Variants in PEDS1 observed in about 807,000 individuals in gnomAD.
PEDS1 encodes the protein plasmanylethanolamine desaturase 1.
In PEDS1, 14 loss-of-function variants were observed where a neutral mutation model predicts 35.2. That is an observed-to-expected ratio of 0.40 (90% CI 0.26 to 0.62). The LOEUF is 0.62. PEDS1 is among the 20% of genes least tolerant of loss of function. PEDS1 has a pLI of 0.44. For missense variants in PEDS1, 260 were observed against 367.8 expected (o/e 0.71, Z 2.40); for synonymous variants, 152 against 152.0 (o/e 1.00, Z 0.00).
chr20:50,153,407 C>T, intron 1 of PEDS1, 110 bp downstream of exon 1: 1 of 1,230,172 alleles, frequency 8.1e-7, no homozygotes, highest in Non-Finnish European at 1.0e-6. Context: ...AAGTTAGACA[C>T]CCGGGCTGGA....
intron 3 of PEDS1, among the ~76,000 whole-genome samples, chr20:50,130,324 A>T (rs1244735936): frequency 6.6e-6 from 1 of 152,142 alleles, no homozygotes; most frequent in Admixed American, 6.6e-5. Flanking sequence ...GGAAGGATGG[A>T]TCTCTGGGCG....
At position 50,143,515 on chromosome 20, in the gene PEDS1, G is replaced by T; in HGVS notation, c.228C>A (p.Val76=). 1 of 1,608,854 alleles carries T rather than the reference G, an allele frequency of 6.2e-7. No homozygotes were observed. Among genetic ancestry groups the T allele is most frequent in the South Asian group, 1.1e-5 (1 of 89,940 alleles). ...LLARWEDTPL[V]ILGVVAGALI... ...TCGGGCACTCACCAACACCGAGTAT[G>T]ACGAGGGGTGTGTCCTCCCAGCGGG... Residue 76 remains valine (V), a synonymous_variant, in exon 2 of 6, where the codon GTC becomes GTA. Coordinates refer to ENST00000371652, the MANE Select transcript of PEDS1 (RefSeq NM_199129.4).
At position 50,118,731 on chromosome 20, in the gene PEDS1, T is replaced by C. The variant is rs186547846; in HGVS notation, c.*6327A>G. 7.9e-5 allele frequency: 12 copies of C among 152,214 alleles called. No individual in the cohort carries two copies. Among genetic ancestry groups the C allele is most frequent in the African/African-American group, 2.9e-4 (12 of 41,512 alleles). 9.4% of individuals were successfully genotyped at this position (152,214 alleles called of 1,614,324 possible). On this transcript the variant is annotated 3_prime_UTR_variant, in exon 6 of 6. Transcript: ENST00000371652. The stretch of plus-strand genomic sequence containing the variant: ...GCCTCCTGGGTTCAAGCAATTCTCC[T>C]GCCTCAGCCTCCCAAGTAGCTGGGA...
intron 1 of PEDS1, among the ~76,000 whole-genome samples, chr20:50,146,910 G>C (rs1198968421): frequency 6.6e-6 from 1 of 152,194 alleles, no homozygotes; most frequent in Non-Finnish European, 1.5e-5. Context: ...ACCATGATCA[G>C]GCCCAGCAAG....
chr20:50,131,102 C>G, intron 2 of PEDS1, 155 bp from the exon 3 acceptor site: 5 of 1,536,514 alleles, frequency 3.3e-6, no homozygotes, highest in Non-Finnish European at 4.4e-6. Context: ...GATGGAGCCT[C>G]AGGCTTAACA....
chr20:50,127,518 G>A (rs918107934), intron 5 of PEDS1, among the ~76,000 whole-genome samples: 21 of 151,640 alleles, frequency 1.4e-4, no homozygotes, highest in Admixed American at 9.8e-4. Flanking sequence ...ATTTTTTTTC[G>A]TATTTTTAGT....
At position 50,126,356 on chromosome 20, in the gene PEDS1, A is replaced by T. The variant is rs527787616; in HGVS notation, c.692-1177T>A. Among the ~76,000 whole-genome samples the T allele has an allele frequency of 2.0e-5, 3 of 152,356 alleles. No individual in the cohort carries two copies. In the South Asian group the frequency reaches 6.2e-4, roughly 32 times the overall value. ...GGTGGCCAAACCAGGATTGGAACTC[A>T]GCCCTGCCTAAGTAGTTAACCCATC... is the stretch of plus-strand genomic sequence containing the variant. On this transcript the variant is annotated intron_variant, in intron 5 of 5. Transcript: ENST00000371652.
intron 2 of PEDS1, among the ~76,000 whole-genome samples, chr20:50,134,414 G>A (rs1477106784): frequency 2.6e-5 from 4 of 152,220 alleles, no homozygotes; most frequent in Non-Finnish European, 5.9e-5. Context: ...AGGGATGGTG[G>A]TGGGCACCTG....
At chr20:50,148,427 TG>T (rs2081368405) in intron 1 of PEDS1, among the ~76,000 whole-genome samples, 1 of 152,190 alleles carries the variant, frequency 6.6e-6, no homozygotes, top group Admixed American at 6.5e-5. Flanking sequence ...CTGGCTGTAG[TG>T]CTGAGGTCCT....
intron 1 of PEDS1, among the ~76,000 whole-genome samples, chr20:50,150,404 T>A (rs2081390807): frequency 6.6e-6 from 1 of 152,282 alleles, no homozygotes; most frequent in Non-Finnish European, 1.5e-5. Flanking sequence ...AGCTCCCACC[T>A]CAGGGTCTCT....
intron 1 of PEDS1, among the ~76,000 whole-genome samples, chr20:50,147,349 G>A (rs2081356780): frequency 6.6e-6 from 1 of 152,188 alleles, no homozygotes; most frequent in African/African-American, 2.4e-5. Context: ...CCATCCAATG[G>A]GATATGAGCT....
intron 1 of PEDS1, among the ~76,000 whole-genome samples, chr20:50,153,260 C>A (rs904873216): frequency 6.6e-6 from 1 of 151,984 alleles, no homozygotes; most frequent in Non-Finnish European, 1.5e-5. Flanking sequence ...CCGATGGGAG[C>A]TCCGTTTGTC....
chr20:50,125,112 C>T lies in PEDS1; in HGVS notation c.759G>A (p.Leu253=), dbSNP rs1408028148. ...WRRLEDLIQG[L]TGEKPRADDM... ...CATCTGCCCGAGGCTTCTCGCCCGTCAGGCCCTGGATGAGGTCCTCCAGGC... is the reference window on the plus strand; with the variant it reads ...CATCTGCCCGAGGCTTCTCGCCCGTTAGGCCCTGGATGAGGTCCTCCAGGC... The change falls in exon 6 of 6, where the codon CTG becomes CTA. Residue 253 remains leucine (L), a synonymous_variant. Transcript: ENST00000371652. 6.2e-7 allele frequency: 1 copy of T among 1,614,214 alleles called. No individual in the cohort carries two copies. The highest frequency in any genetic ancestry group is 1.7e-5 in the Admixed American group (1 of 60,030).
intron 1 of PEDS1, 70 bp from the exon 2 acceptor site, chr20:50,143,691 C>T: frequency 6.5e-7 from 1 of 1,543,726 alleles, no homozygotes; most frequent in Non-Finnish European, 8.7e-7. Context: ...CCCATGGGAA[C>T]TTTTCTTTTC....
chr20:50,140,973 C>T (rs947883665), intron 2 of PEDS1, among the ~76,000 whole-genome samples: 3 of 152,188 alleles, frequency 2.0e-5, no homozygotes, highest in African/African-American at 7.2e-5. Context: ...GCTGTGCAGC[C>T]TCGAAAGCCA....
intron 1 of PEDS1, 43 bp from the exon 2 acceptor site, chr20:50,143,664 G>GCCAGGCAGAGTGTGGCCCCATGGGAA: frequency 1.9e-6 from 3 of 1,609,456 alleles, no homozygotes; most frequent in Non-Finnish European, 2.5e-6. Flanking sequence ...GAAGGTCAAG[G>GCCAGGCAGAGTGTGGCCCCATGGGAA]CCAGGCAGAG....
At chr20:50,133,714 T>G (rs1288315634) in intron 2 of PEDS1, among the ~76,000 whole-genome samples, 1 of 152,268 alleles carries the variant, frequency 6.6e-6, no homozygotes, top group Non-Finnish European at 1.5e-5. Flanking sequence ...CAGCCAACCC[T>G]TCTGGCTAAA....
chr20:50,151,135 C>T (rs1601237300), intron 1 of PEDS1: 10 of 797,318 alleles, frequency 1.3e-5, no homozygotes, highest in East Asian at 6.4e-5. Flanking sequence ...CCCAAGATCA[C>T]ACAGTGAGCA....
At chr20:50,125,499 C>T (rs1005491620) in intron 5 of PEDS1, among the ~76,000 whole-genome samples, 1 of 152,194 alleles carries the variant, frequency 6.6e-6, no homozygotes, top group African/African-American at 2.4e-5. Context: ...GAAGCCTTCC[C>T]TGATCATCCA....
Sources: gnomAD v4.1 joint callset for allele counts (sites outside exome capture counted in the v4.1 genomes callset) on GRCh38, gnomAD v4.1.1 for gene constraint, MANE v1.5 for transcripts, NCBI Gene and HGNC (gene_info 2026-07-23, HGNC 2026-07-21) for gene names.